The following SLC27A6 variants were observed in gnomAD, a reference collection of about 807,000 sequenced individuals.
SLC27A6 encodes the protein solute carrier family 27 member 6.
SLC27A6 carries 74 observed loss-of-function variants against 63.9 expected under a neutral mutation model. The ratio of observed to expected loss-of-function variants is 1.16; its 90% CI spans 0.96 to 1.40. The LOEUF (loss-of-function observed/expected upper bound fraction) is 1.40, where lower values mean the gene tolerates loss of function less well. Ranked by LOEUF, SLC27A6 falls within the 40% of genes most tolerant of loss-of-function variation. The probability of loss-of-function intolerance (pLI) is 0.00; values close to 1 mark genes in which losing one functional copy is unlikely to be tolerated. For missense variants in SLC27A6, 794 were observed against 732.9 expected, an observed-to-expected ratio of 1.08 and a Z score of -0.96; for synonymous variants, 287 against 260.8, an observed-to-expected ratio of 1.10 and a Z score of -0.97.
intron 9 of SLC27A6, among the ~76,000 whole-genome samples, chr5:129,030,884 A>T (rs1280136928): frequency 6.6e-6 from 1 of 151,998 alleles, no homozygotes; most frequent in African/African-American, 2.4e-5. Flanking sequence ...TCATGCATTC[A>T]TGACCATAGT....
At chr5:128,971,165 G>T (rs900998698) in intron 1 of SLC27A6, among the ~76,000 whole-genome samples, 29 of 152,144 alleles carry the variant, frequency 1.9e-4, no homozygotes, top group African/African-American at 6.5e-4. Context: ...GCTGAGGAGT[G>T]CTTTACTTCC....
At chr5:128,977,822 C>G (rs1750440397) in intron 1 of SLC27A6, among the ~76,000 whole-genome samples, 1 of 152,128 alleles carries the variant, frequency 6.6e-6, no homozygotes, top group South Asian at 2.1e-4. Flanking sequence ...ATAATTATGA[C>G]TAAACATGCC....
intron 4 of SLC27A6, among the ~76,000 whole-genome samples, chr5:128,993,247 C>T (rs1177350660): frequency 6.6e-6 from 1 of 152,204 alleles, no homozygotes; most frequent in African/African-American, 2.4e-5. Context: ...AAATTAGAAG[C>T]TCTTTTAAGC....
intron 5 of SLC27A6, among the ~76,000 whole-genome samples, chr5:129,022,650 A>C (rs542133472): frequency 6.6e-6 from 1 of 152,092 alleles, no homozygotes; most frequent in Non-Finnish European, 1.5e-5. Context: ...GTAGAACCTC[A>C]ATTTTCTTAC....
Position 129,027,253 on chromosome 5 carries a change from A to G in SLC27A6, c.1376A>G (p.Tyr459Cys), listed in dbSNP as rs1292617219. 2.5e-6 allele frequency: 4 copies of G among 1,613,076 alleles called. No homozygotes were observed. Among genetic ancestry groups the G allele is most frequent in the East Asian group, 4.5e-5 (2 of 44,848 alleles). The change falls in exon 7 of 10, where the codon TAC (tyrosine) becomes TGC (cysteine). Residue 459 changes from tyrosine to cysteine, a missense_variant. By Grantham distance (194) the Tyr-to-Cys change is radical. Coordinates refer to ENST00000262462, the MANE Select transcript of SLC27A6 (RefSeq NM_001017372.3). ...GATGTTTTTAAGAAGGGAGATGTTT[A>G]CCTTAATACTGGAGACTTAATAGTC... ...LCDVFKKGDV[Y>C]LNTGDLIVQD...
Position 129,016,008 on chromosome 5 carries a change from G to C in SLC27A6, c.1093G>C (p.Glu365Gln), listed in dbSNP as rs201193988. ...IKVCELYAAT[E>Q]SSISFMNYTG... is the part of the protein sequence containing the mutation. The stretch of plus-strand genomic sequence containing the variant: ...GGTGTGTGAACTTTATGCAGCTACC[G>C]AATCAAGCATATCTTTCATGAACTA... Residue 365 changes from glutamate (E) to glutamine (Q), a missense_variant, in exon 5 of 10, where the codon GAA becomes CAA. Transcript: ENST00000262462. The C allele has an allele frequency of 6.2e-7, 1 of 1,608,452 alleles. No homozygotes were observed. Among genetic ancestry groups the C allele is most frequent in the Non-Finnish European group, 8.5e-7 (1 of 1,178,482 alleles).
At chr5:129,030,890 A>G (rs572023935) in intron 9 of SLC27A6, among the ~76,000 whole-genome samples, 27 of 152,138 alleles carry the variant, frequency 1.8e-4, no homozygotes, top group African/African-American at 6.5e-4. Context: ...ATTCATGACC[A>G]TAGTAAAGAT....
chr5:129,030,612 C>T (rs1453384836), intron 9 of SLC27A6, among the ~76,000 whole-genome samples: 2 of 151,718 alleles, frequency 1.3e-5, no homozygotes, highest in African/African-American at 4.8e-5. Flanking sequence ...CTCTGAAACA[C>T]TAAAGGTAAG....
intron 4 of SLC27A6, among the ~76,000 whole-genome samples, chr5:128,991,971 T>C (rs1401797919): frequency 6.6e-6 from 1 of 151,586 alleles, no homozygotes; most frequent in Non-Finnish European, 1.5e-5. Flanking sequence ...TTCTTGAGAC[T>C]ATAAAGAAGT....
chr5:128,995,022 C>A (rs907922884), intron 4 of SLC27A6, among the ~76,000 whole-genome samples: 2 of 152,226 alleles, frequency 1.3e-5, no homozygotes, highest in African/African-American at 2.4e-5. Context: ...TGAAGTTGTT[C>A]TTCTCTTCCC....
At chr5:129,000,368 A>G (rs1751293070) in intron 4 of SLC27A6, among the ~76,000 whole-genome samples, 7 of 152,190 alleles carry the variant, frequency 4.6e-5, no homozygotes, top group Admixed American at 1.3e-4. Context: ...ATGGTGCCTG[A>G]CACATAGTAG....
intron 4 of SLC27A6, among the ~76,000 whole-genome samples, chr5:129,009,946 G>A (rs956133735): frequency 2.0e-4 from 30 of 152,178 alleles, no homozygotes; most frequent in African/African-American, 7.2e-4. Flanking sequence ...CAAAGTACTG[G>A]GATTACAGGC....
intron 1 of SLC27A6, among the ~76,000 whole-genome samples, chr5:128,968,532 A>C (rs1470426615): frequency 6.6e-6 from 1 of 152,018 alleles, no homozygotes; most frequent in Admixed American, 6.6e-5. Flanking sequence ...GCATTTTTTC[A>C]TGTGTCTGTT....
chr5:128,988,658 G>C lies in SLC27A6; in HGVS notation c.744G>C (p.Leu248=). 6.2e-7 allele frequency: 1 copy of C among 1,614,018 alleles called. No homozygotes were observed. Among genetic ancestry groups the C allele is most frequent in the Non-Finnish European group, 8.5e-7 (1 of 1,179,928 alleles). ...QLQVLRGSAV[L]WAFGCTAHDI... Reference sequence around the variant, plus strand: ...AGGTTTTAAGGGGTTCTGCTGTCCTGTGGGCTTTTGGTTGTACTGCTCATG... The same window carrying C: ...AGGTTTTAAGGGGTTCTGCTGTCCTCTGGGCTTTTGGTTGTACTGCTCATG... The change falls in exon 3 of 10, where the codon CTG becomes CTC. Residue 248 remains leucine (L), a synonymous_variant. Transcript: ENST00000262462.
intron 1 of SLC27A6, among the ~76,000 whole-genome samples, chr5:128,979,511 T>C (rs1750510749): frequency 6.6e-6 from 1 of 152,184 alleles, no homozygotes; most frequent in South Asian, 2.1e-4. Context: ...ATTTACTTAC[T>C]AATGAGTCTG....
chr5:128,999,109 AATGT>A lies in SLC27A6; in HGVS notation c.969+8647_969+8650del, dbSNP rs545995233. On this transcript the variant is annotated intron_variant, in intron 4 of 9. Transcript: ENST00000262462. ...TTCTTGTTCTTTCATCTATATAATG[AATGT>A]AATAACAATTATATCCAGAGGTGAT... 2.6e-5 allele frequency among the ~76,000 whole-genome samples: 4 copies of A among 152,268 alleles called. No individual in the cohort carries two copies. The South Asian group carries it at 8.3e-4, about 32-fold the overall frequency.
Position 128,966,377 on chromosome 5 carries a change from C to A in SLC27A6, c.240C>A (p.Tyr80Ter). Residue 80 changes from tyrosine (Y) to a stop codon, truncating the protein, a stop_gained, in exon 1 of 10, where the codon TAC becomes TAA. Transcript: ENST00000262462. LOFTEE classifies it high-confidence loss of function. The part of the protein sequence containing the change: ...KPFIIYEGDI[Y>*]TYQDVDKRSS... ...TCATCATCTATGAGGGAGACATCTA[C>A]ACCTATCAGGATGTAGACAAAAGGA... 1.2e-6 allele frequency: 2 copies of A among 1,613,776 alleles called. No homozygotes were observed. The highest frequency in any genetic ancestry group is 2.2e-5 in the South Asian group (2 of 91,020).
chr5:128,968,339 C>T (rs146987260), intron 1 of SLC27A6, among the ~76,000 whole-genome samples: 74,453 of 151,824 alleles, frequency 0.49, 20,186 homozygotes, highest in Non-Finnish European at 0.62. Flanking sequence ...ATCACCACAC[C>T]GTCTTCCACA....
intron 5 of SLC27A6, among the ~76,000 whole-genome samples, chr5:129,020,954 TG>T (rs1387261534): frequency 4.6e-5 from 7 of 151,938 alleles, no homozygotes; most frequent in African/African-American, 1.7e-4. Flanking sequence ...TTCCTGGAAT[TG>T]TATAATAATA....
Sources: gnomAD v4.1 joint callset for allele counts (sites outside exome capture counted in the v4.1 genomes callset) on GRCh38, gnomAD v4.1.1 for gene constraint, MANE v1.5 for transcripts, NCBI Gene and HGNC (gene_info 2026-07-23, HGNC 2026-07-21) for gene names.